The following TTC28 variants were observed in gnomAD, a reference collection of about 807,000 sequenced individuals.
TTC28 encodes the protein tetratricopeptide repeat protein 28.
Under a neutral mutation model 198.0 loss-of-function variants are expected in TTC28, and 61 were observed. The observed-to-expected ratio is 0.31, with a 90% CI of 0.25 to 0.38. The LOEUF is 0.38. TTC28 is among the 10% of genes least tolerant of loss of function. The pLI is 1.00. For missense variants in TTC28, 2,678 were observed against 3,164.0 expected (o/e 0.85, Z 3.69); for synonymous variants, 1,171 against 1,297.8 (o/e 0.90, Z 2.10).
intron 2 of TTC28, among the ~76,000 whole-genome samples, chr22:28,496,892 C>A (rs1421961649): frequency 5.9e-5 from 9 of 152,134 alleles, no homozygotes; most frequent in Admixed American, 5.9e-4. Flanking sequence ...AGACACACTG[C>A]CTCTGTCTAC....
chr22:28,537,299 A>AT lies in TTC28; in HGVS notation c.381+92252_381+92253insA, dbSNP rs1491268139. ...CAGAGCCAGACTCCGTCTCAAAAAT[A>AT]AAATAAAATAAAATAAAATAAAATA... On this transcript the variant is annotated intron_variant, in intron 2 of 22. Transcript: ENST00000397906. 5.0e-4 allele frequency among the ~76,000 whole-genome samples: 52 copies of AT among 103,692 alleles called. 1 individual carries two copies. The highest frequency in any genetic ancestry group is 4.0e-3 in the Middle Eastern group (1 of 250). The allele number at this position is 103,692 out of a possible 152,430, so 68.0% of individuals were successfully genotyped here.
intron 7 of TTC28, among the ~76,000 whole-genome samples, chr22:28,106,549 C>T (rs933477360): frequency 6.6e-6 from 1 of 152,056 alleles, no homozygotes; most frequent in Non-Finnish European, 1.5e-5. Flanking sequence ...GTGCAAGGGA[C>T]CTTGCACAGA....
At chr22:28,119,149 C>A (rs1942717931) in intron 6 of TTC28, among the ~76,000 whole-genome samples, 1 of 152,150 alleles carries the variant, frequency 6.6e-6, no homozygotes, top group South Asian at 2.1e-4. Flanking sequence ...ATCAGAAGAT[C>A]CCTATTCCCG....
chr22:28,675,902 T>C (rs779388030), intron 1 of TTC28, among the ~76,000 whole-genome samples: 5 of 151,926 alleles, frequency 3.3e-5, no homozygotes, highest in South Asian at 2.1e-4. Flanking sequence ...CTGGGCAACA[T>C]AGCGAGACCC....
At chr22:28,313,244 T>C (rs2045297079) in intron 2 of TTC28, among the ~76,000 whole-genome samples, 4 of 152,066 alleles carry the variant, frequency 2.6e-5, no homozygotes. Context: ...AAAAACAGTC[T>C]GGGACCAGAC....
intron 5 of TTC28, among the ~76,000 whole-genome samples, chr22:28,209,922 C>A (rs563536688): frequency 6.6e-6 from 1 of 152,176 alleles, no homozygotes; most frequent in Non-Finnish European, 1.5e-5. Flanking sequence ...CAGACAGGTG[C>A]CCCTCTGAGA....
At chr22:28,575,591 G>A (rs1170023412) in intron 2 of TTC28, among the ~76,000 whole-genome samples, 1 of 151,944 alleles carries the variant, frequency 6.6e-6, no homozygotes, top group African/African-American at 2.4e-5. Flanking sequence ...TATGTAGACT[G>A]CTTTAGGTAG....
At chr22:27,995,836 C>T (rs774534764) in intron 17 of TTC28, among the ~76,000 whole-genome samples, 1 of 152,190 alleles carries the variant, frequency 6.6e-6, no homozygotes, top group East Asian at 1.9e-4. Flanking sequence ...GCTACAGCCA[C>T]CTGTATGGCA....
chr22:28,459,539 C>T (rs1000126014), intron 2 of TTC28, among the ~76,000 whole-genome samples: 1 of 152,132 alleles, frequency 6.6e-6, no homozygotes, highest in Non-Finnish European at 1.5e-5. Context: ...AAAGTGCCAC[C>T]GACCCCCCTC....
chr22:28,637,970 G>A (rs1214032637), intron 1 of TTC28, among the ~76,000 whole-genome samples: 1 of 152,086 alleles, frequency 6.6e-6, no homozygotes, highest in Non-Finnish European at 1.5e-5. Context: ...CAAAATAATT[G>A]TTTAATTATA....
intron 5 of TTC28, among the ~76,000 whole-genome samples, chr22:28,214,596 C>A (rs1927223634): frequency 6.6e-6 from 1 of 152,196 alleles, no homozygotes; most frequent in Admixed American, 6.5e-5. Flanking sequence ...CATCTCACAC[C>A]AGTTAGAATG....
At chr22:28,623,217 G>C (rs757023151) in intron 2 of TTC28, among the ~76,000 whole-genome samples, 15 of 152,110 alleles carry the variant, frequency 9.9e-5, no homozygotes, top group African/African-American at 3.6e-4. Context: ...CTTCCAAGGA[G>C]CTGGGACTAC....
chr22:28,361,992 T>C (rs1283539590), intron 2 of TTC28, among the ~76,000 whole-genome samples: 3 of 152,214 alleles, frequency 2.0e-5, no homozygotes, highest in African/African-American at 7.2e-5. Flanking sequence ...TTCTTTTCAC[T>C]GACAACGCGT....
chr22:28,455,823 T>C (rs1160578977), intron 2 of TTC28, among the ~76,000 whole-genome samples: 3 of 152,140 alleles, frequency 2.0e-5, no homozygotes, highest in Non-Finnish European at 2.9e-5. Flanking sequence ...GATGTGGAAT[T>C]CAATCTAGTG....
intron 6 of TTC28, among the ~76,000 whole-genome samples, chr22:28,148,443 C>A (rs1943524698): frequency 6.6e-6 from 1 of 152,060 alleles, no homozygotes; most frequent in South Asian, 2.1e-4. Context: ...GAAACCCCAT[C>A]TCTACTAAAA....
intron 5 of TTC28, among the ~76,000 whole-genome samples, chr22:28,285,662 T>A (rs1210860664): frequency 6.6e-6 from 1 of 152,168 alleles, no homozygotes; most frequent in Non-Finnish European, 1.5e-5. Context: ...ATAAAACAAT[T>A]ACATTGTACA....
At chr22:28,130,321 A>G (rs1470648262) in intron 6 of TTC28, among the ~76,000 whole-genome samples, 2 of 152,232 alleles carry the variant, frequency 1.3e-5, no homozygotes, top group Non-Finnish European at 2.9e-5. Flanking sequence ...GGAAAAGCAG[A>G]AGATTCATTA....
intron 2 of TTC28, among the ~76,000 whole-genome samples, chr22:28,524,672 G>A (rs1469637719): frequency 6.6e-6 from 1 of 151,990 alleles, no homozygotes; most frequent in East Asian, 1.9e-4. Context: ...TATGCAAAAT[G>A]TCACCCTCAC....
At chr22:28,120,223 T>C (rs1942748383) in intron 6 of TTC28, among the ~76,000 whole-genome samples, 1 of 152,232 alleles carries the variant, frequency 6.6e-6, no homozygotes, top group East Asian at 1.9e-4. Flanking sequence ...TCCTAAGCCG[T>C]AGTCTCATAA....
Sources: gnomAD v4.1 joint callset for allele counts (sites outside exome capture counted in the v4.1 genomes callset) on GRCh38, gnomAD v4.1.1 for gene constraint, MANE v1.5 for transcripts, NCBI Gene and HGNC (gene_info 2026-07-23, HGNC 2026-07-21) for gene names.